Variants in MICU2 observed in about 807,000 individuals in gnomAD.
MICU2 encodes calcium uptake protein 2, mitochondrial.
A neutral mutation model predicts 60.4 loss-of-function variants in MICU2; 64 were observed. The ratio of observed to expected loss-of-function variants is 1.06; its 90% CI spans 0.87 to 1.31. The LOEUF (loss-of-function observed/expected upper bound fraction) is 1.31. Ranked by LOEUF, MICU2 falls within the 50% of genes most tolerant of loss-of-function variation. The pLI is 0.00. For synonymous variants in MICU2, 201 were observed against 175.0 expected (o/e 1.15, Z -1.17); for missense variants, 569 against 531.0 (o/e 1.07, Z -0.70).
intron 4 of MICU2, chr13:21,531,349 G>A: frequency 8.2e-6 from 12 of 1,464,250 alleles, no homozygotes; most frequent in Non-Finnish European, 7.5e-6. Flanking sequence ...AAACTTGATG[G>A]AATGCTTTTA....
At chr13:21,531,154 T>C (rs1886988154) in intron 4 of MICU2, 4 of 914,808 alleles carry the variant, frequency 4.4e-6, no homozygotes, top group Non-Finnish European at 7.4e-6. Context: ...GAAGACATGC[T>C]AGAAAACCAC....
intron 2 of MICU2, among the ~76,000 whole-genome samples, chr13:21,555,157 C>T (rs1351199818): frequency 6.6e-6 from 1 of 152,184 alleles, no homozygotes; most frequent in African/African-American, 2.4e-5. Context: ...GGAATCCTCC[C>T]TAACTTATTT....
rs759907711 is a variant in MICU2, at chr13:21,539,375, G to C, written c.393C>G (p.Asp131Glu). ...GGATCCCTGACAGTGTATCCTCGAT[G>C]TCCTTTGAATACACATATTAAAATT... The part of the protein sequence containing the change: ...KTSVKKLTKK[D>E]IEDTLSGIQT... The change falls in exon 4 of 12, where the codon GAC becomes GAG. Residue 131 changes from aspartate to glutamate, a missense_variant and splice_region_variant. Transcript: ENST00000382374. 1 of 1,613,416 alleles carries C rather than the reference G, an allele frequency of 6.2e-7. No individual in the cohort carries two copies. The highest frequency in any genetic ancestry group is 2.2e-5 in the East Asian group (1 of 44,878).
At chr13:21,596,117 T>G (rs948391814) in intron 1 of MICU2, among the ~76,000 whole-genome samples, 1 of 152,194 alleles carries the variant, frequency 6.6e-6, no homozygotes, top group African/African-American at 2.4e-5. Context: ...TGGAGGTACT[T>G]ACATTCTCCA....
chr13:21,534,034 G>C (rs935353145), intron 4 of MICU2, among the ~76,000 whole-genome samples: 16 of 151,004 alleles, frequency 1.1e-4, no homozygotes, highest in Non-Finnish European at 1.9e-4. Flanking sequence ...GTTGCAGTGA[G>C]CCAAGATCAC....
chr13:21,526,048 A>G (rs1336034983), intron 4 of MICU2, among the ~76,000 whole-genome samples: 3 of 148,486 alleles, frequency 2.0e-5, no homozygotes, highest in African/African-American at 7.5e-5. Flanking sequence ...GATCCTCCCC[A>G]CCTCTCAGCC....
chr13:21,510,557 A>G (rs1886401088), intron 7 of MICU2, among the ~76,000 whole-genome samples: 1 of 152,192 alleles, frequency 6.6e-6, no homozygotes, highest in Non-Finnish European at 1.5e-5. Context: ...CATTAAACGT[A>G]ATGAGTGAGG....
At chr13:21,497,401 TCA>T (rs1235786796) in intron 9 of MICU2, among the ~76,000 whole-genome samples, 1 of 151,656 alleles carries the variant, frequency 6.6e-6, no homozygotes, top group Non-Finnish European at 1.5e-5. Context: ...AAAAGAAAAC[TCA>T]GTTTTTTCCA....
intron 2 of MICU2, among the ~76,000 whole-genome samples, chr13:21,551,981 T>C (rs1210734460): frequency 1.3e-5 from 2 of 151,974 alleles, no homozygotes; most frequent in Non-Finnish European, 2.9e-5. Flanking sequence ...ATGGTATTTC[T>C]AGTTCTAGAT....
intron 1 of MICU2, among the ~76,000 whole-genome samples, chr13:21,596,043 A>G (rs1031784066): frequency 3.3e-5 from 5 of 152,210 alleles, no homozygotes; most frequent in African/African-American, 1.2e-4. Flanking sequence ...TTAATTTCAC[A>G]ATCTAGTAAT....
intron 2 of MICU2, among the ~76,000 whole-genome samples, chr13:21,551,064 C>T (rs1887549309): frequency 6.6e-6 from 1 of 152,212 alleles, no homozygotes; most frequent in South Asian, 2.1e-4. Context: ...TTCTCACCTG[C>T]TCATGTCCTA....
At chr13:21,537,777 A>C (rs1273172698) in intron 4 of MICU2, among the ~76,000 whole-genome samples, 1 of 151,880 alleles carries the variant, frequency 6.6e-6, no homozygotes, top group African/African-American at 2.4e-5. Flanking sequence ...ACCGCACCTC[A>C]CCCTAAATCC....
At chr13:21,570,776 T>G (rs1888089367) in intron 1 of MICU2, among the ~76,000 whole-genome samples, 1 of 152,146 alleles carries the variant, frequency 6.6e-6, no homozygotes. Context: ...CCAGAAGTCA[T>G]GTCTTCTGAG....
At chr13:21,530,830 C>T (rs568273390) in intron 4 of MICU2, 117 of 736,448 alleles carry the variant, frequency 1.6e-4, no homozygotes, top group African/African-American at 1.0e-3. Flanking sequence ...CCGTGGTGCC[C>T]CCATGGACGA....
chr13:21,520,789 A>T (rs1016809384), intron 6 of MICU2, among the ~76,000 whole-genome samples: 2 of 152,048 alleles, frequency 1.3e-5, no homozygotes, highest in African/African-American at 4.8e-5. Flanking sequence ...TTAGCCTTAG[A>T]GCAAATTCCT....
rs755486286 is a variant in MICU2, at chr13:21,494,116, G to A, written c.1201-763C>T. Among the ~76,000 whole-genome samples the A allele has an allele frequency of 5.3e-5, 8 of 152,062 alleles. No homozygotes were observed. The South Asian group carries it at 6.2e-4, about 12-fold the overall frequency. ...ACTGAAAAGACTGGCTTAATTTCCC[G>A]GAATATATTTATGGGTGTTGGATAA... On this transcript the variant is annotated intron_variant, in intron 11 of 11. Coordinates refer to ENST00000382374, the MANE Select transcript of MICU2 (RefSeq NM_152726.3).
At chr13:21,564,399 C>G (rs577364544) in intron 2 of MICU2, among the ~76,000 whole-genome samples, 71 of 152,242 alleles carry the variant, frequency 4.7e-4, no homozygotes, top group African/African-American at 1.6e-3. Flanking sequence ...TGTCTTTTCT[C>G]TCCTTAAATA....
intron 9 of MICU2, among the ~76,000 whole-genome samples, chr13:21,502,117 T>A (rs1390163305): frequency 6.6e-6 from 1 of 151,816 alleles, no homozygotes; most frequent in Non-Finnish European, 1.5e-5. Flanking sequence ...ATAAGTTTTC[T>A]TTTTATATCC....
At chr13:21,587,441 T>C (rs1474012236) in intron 1 of MICU2, among the ~76,000 whole-genome samples, 2 of 152,222 alleles carry the variant, frequency 1.3e-5, no homozygotes, top group Non-Finnish European at 1.5e-5. Flanking sequence ...CCTCCTAATA[T>C]GATGCACTGA....
Sources: gnomAD v4.1 joint callset for allele counts (sites outside exome capture counted in the v4.1 genomes callset) on GRCh38, gnomAD v4.1.1 for gene constraint, MANE v1.5 for transcripts, NCBI Gene and HGNC (gene_info 2026-07-23, HGNC 2026-07-21) for gene names.